The following LRMDA variants were observed in gnomAD, a reference collection of about 807,000 sequenced individuals.
The protein encoded by LRMDA is leucine-rich melanocyte differentiation-associated protein.
Under a neutral mutation model 29.8 loss-of-function variants are expected in LRMDA, and 18 were observed. The observed-to-expected ratio is 0.60, with a 90% CI of 0.42 to 0.90. The LOEUF is 0.90. LRMDA is among the 40% of genes least tolerant of loss of function. The pLI is 0.00. For synonymous variants in LRMDA, 125 were observed against 109.4 expected, an observed-to-expected ratio of 1.14 and a Z score of -0.89; for missense variants, 273 against 273.9, an observed-to-expected ratio of 1.00 and a Z score of 0.02.
chr10:76,117,372 C>T (rs1004974251), intron 5 of LRMDA, among the ~76,000 whole-genome samples: 2 of 152,006 alleles, frequency 1.3e-5, no homozygotes, highest in African/African-American at 4.8e-5. Flanking sequence ...TTAAATAGCT[C>T]TTCTTGTTGT....
intron 2 of LRMDA, among the ~76,000 whole-genome samples, chr10:75,947,002 A>C (rs1385644694): frequency 6.6e-6 from 1 of 152,180 alleles, no homozygotes; most frequent in African/African-American, 2.4e-5. Context: ...GGGCAGAGAC[A>C]CATCTGGAAC....
intron 2 of LRMDA, among the ~76,000 whole-genome samples, chr10:75,725,183 A>G (rs1003247451): frequency 1.3e-5 from 2 of 152,246 alleles, no homozygotes; most frequent in African/African-American, 4.8e-5. Context: ...ATTTTTGGGA[A>G]CTGGAGAATC....
At chr10:75,802,140 G>T (rs927197870) in intron 2 of LRMDA, among the ~76,000 whole-genome samples, 1 of 152,076 alleles carries the variant, frequency 6.6e-6, no homozygotes, top group African/African-American at 2.4e-5. Context: ...AACACAGGGA[G>T]ACCCCATTTC....
chr10:75,607,134 T>A (rs1215883833), intron 2 of LRMDA, among the ~76,000 whole-genome samples: 2 of 152,346 alleles, frequency 1.3e-5, no homozygotes, highest in Non-Finnish European at 2.9e-5. Context: ...TAATGACTAG[T>A]TAAAAATACT....
At chr10:76,186,379 G>A (rs187801562) in intron 5 of LRMDA, among the ~76,000 whole-genome samples, 70 of 152,338 alleles carry the variant, frequency 4.6e-4, no homozygotes, top group Non-Finnish European at 1.5e-5. Flanking sequence ...TTTGTCAAAG[G>A]ACTGTGCAAG....
At chr10:75,729,693 T>A (rs1050541396) in intron 2 of LRMDA, among the ~76,000 whole-genome samples, 2 of 152,184 alleles carry the variant, frequency 1.3e-5, no homozygotes, top group African/African-American at 4.8e-5. Flanking sequence ...TAACTTCAAA[T>A]CATGATTGAA....
chr10:75,648,510 C>A, intron 2 of LRMDA, among the ~76,000 whole-genome samples: 1 of 152,090 alleles, frequency 6.6e-6, no homozygotes, highest in East Asian at 1.9e-4. Context: ...TTGTGCTGCT[C>A]CACATATGCA....
intron 2 of LRMDA, among the ~76,000 whole-genome samples, chr10:75,692,902 T>C (rs1842189436): frequency 6.6e-6 from 1 of 152,100 alleles, no homozygotes; most frequent in African/African-American, 2.4e-5. Context: ...TGATGCATGA[T>C]TTTATGGCTT....
intron 5 of LRMDA, among the ~76,000 whole-genome samples, chr10:76,261,064 C>CTTTTTTTTTTTTTTTTT (rs58554883): frequency 8.5e-6 from 1 of 117,732 alleles, no homozygotes; most frequent in African/African-American, 3.4e-5. Context: ...CTTTTCTTTT[C>CTTTTTTTTTTTTTTTTT]TTTTTTTTTT....
chr10:75,443,013 C>A (rs2132025378), intron 2 of LRMDA, among the ~76,000 whole-genome samples: 1 of 151,160 alleles, frequency 6.6e-6, no homozygotes, highest in African/African-American at 2.4e-5. Flanking sequence ...TTGGATAATT[C>A]TTTGTTGGTG....
At chr10:75,505,194 T>C (rs1273177263) in intron 2 of LRMDA, among the ~76,000 whole-genome samples, 1 of 152,186 alleles carries the variant, frequency 6.6e-6, no homozygotes, top group Non-Finnish European at 1.5e-5. Context: ...TGGATTGCTC[T>C]CATCTCAGTC....
intron 5 of LRMDA, among the ~76,000 whole-genome samples, chr10:76,201,951 C>T (rs1851439738): frequency 6.6e-6 from 1 of 152,120 alleles, no homozygotes; most frequent in African/African-American, 2.4e-5. Flanking sequence ...TCTCACAGGT[C>T]TTTGGTCTCA....
chr10:76,501,318 G>A (rs1164222125), intron 6 of LRMDA, among the ~76,000 whole-genome samples: 2 of 151,908 alleles, frequency 1.3e-5, no homozygotes, highest in Non-Finnish European at 2.9e-5. Context: ...TATTGTGAAT[G>A]GTGCAGCAAT....
intron 2 of LRMDA, among the ~76,000 whole-genome samples, chr10:75,542,044 C>T (rs1014325306): frequency 6.6e-6 from 1 of 152,144 alleles, no homozygotes; most frequent in African/African-American, 2.4e-5. Context: ...AGAAGGAAAT[C>T]AAACAATTAT....
intron 5 of LRMDA, among the ~76,000 whole-genome samples, chr10:76,269,929 T>C (rs909533757): frequency 2.6e-5 from 4 of 152,208 alleles, no homozygotes; most frequent in Non-Finnish European, 5.9e-5. Flanking sequence ...TACCACCATG[T>C]GGTGTAGGCA....
At chr10:75,639,753 A>G (rs61860532) in intron 2 of LRMDA, among the ~76,000 whole-genome samples, 14,788 of 152,202 alleles carry the variant, frequency 0.097, 909 homozygotes, top group Non-Finnish European at 0.14. Context: ...ATGTTGATTA[A>G]TAGGAGTGAG....
intron 2 of LRMDA, among the ~76,000 whole-genome samples, chr10:75,948,224 C>A (rs1414791210): frequency 6.6e-6 from 1 of 152,094 alleles, no homozygotes; most frequent in Non-Finnish European, 1.5e-5. Flanking sequence ...CACTCTATGT[C>A]CTTTGAGGGG....
At chr10:75,872,193 T>C (rs999983966) in intron 2 of LRMDA, among the ~76,000 whole-genome samples, 2 of 152,218 alleles carry the variant, frequency 1.3e-5, no homozygotes, top group African/African-American at 4.8e-5. Flanking sequence ...ACAGATCTTA[T>C]GGGTACATGG....
chr10:76,441,940 C>T (rs1242427413), intron 6 of LRMDA, among the ~76,000 whole-genome samples: 1 of 152,170 alleles, frequency 6.6e-6, no homozygotes, highest in Non-Finnish European at 1.5e-5. Flanking sequence ...GCAGCCACCT[C>T]CCATCTGCCA....
Sources: allele counts gnomAD v4.1 joint callset (sites outside exome capture counted in the v4.1 genomes callset), GRCh38; gene constraint gnomAD v4.1.1; transcripts MANE v1.5; gene names NCBI Gene and HGNC (gene_info 2026-07-23, HGNC 2026-07-21).